TM2D3: variants seen among roughly 807,000 people sequenced by gnomAD.
The protein encoded by TM2D3 is TM2 domain containing 3.
A neutral mutation model predicts 27.3 loss-of-function variants in TM2D3; 33 were observed. That is an observed-to-expected ratio of 1.21 (90% CI 0.92 to 1.61). The LOEUF (loss-of-function observed/expected upper bound fraction) is 1.61, where lower values mean the gene tolerates loss of function less well. TM2D3 is among the 40% of genes most tolerant of loss of function. The probability of loss-of-function intolerance (pLI) is 0.00; values close to 1 mark genes in which losing one functional copy is unlikely to be tolerated. For missense variants in TM2D3, 364 were observed against 320.8 expected, an observed-to-expected ratio of 1.13 and a Z score of -1.03; for synonymous variants, 138 against 122.2, an observed-to-expected ratio of 1.13 and a Z score of -0.85.
Position 101,650,120 on chromosome 15 carries a change from T to C in TM2D3, c.211A>G (p.Asn71Asp). Residue 71 changes from asparagine (N) to aspartate (D), a missense_variant, in exon 3 of 6, where the codon AAT becomes GAT. Physicochemically the swap from Asn to Asp is conservative, Grantham distance 23. Transcript: ENST00000333202. Reference protein sequence around the residue: ...IPPYVMKCPSNGLCSRLPADC... With the variant: ...IPPYVMKCPSDGLCSRLPADC... ...GCAGGAAGCCTGCTACACAAACCAT[T>C]GCTCGGACACTTCATCACATAAGGT... The C allele has an allele frequency of 6.2e-7, 1 of 1,614,088 alleles. No homozygotes were observed. Among genetic ancestry groups the C allele is most frequent in the Non-Finnish European group, 8.5e-7 (1 of 1,179,982 alleles).
At chr15:101,636,223 C>T (rs930247112) in intron 4 of TM2D3, 4 of 152,054 alleles carry the variant, frequency 2.6e-5, no homozygotes, top group East Asian at 1.9e-4. Flanking sequence ...GTGCTGTAAA[C>T]GAGTTTTTTA....
In TM2D3 at chr15:101,651,303, C is replaced by T. The variant is rs935702869; in HGVS notation, c.169+393G>A. On this transcript the variant is annotated intron_variant, in intron 2 of 5. Coordinates refer to ENST00000333202, the MANE Select transcript of TM2D3 (RefSeq NM_078474.3). Reference sequence around the variant, plus strand: ...ATCTAGATTTCAAGTCTCCATCAGTCCCGCTGTAATCCTTCCATTTCCACA... The same window carrying T: ...ATCTAGATTTCAAGTCTCCATCAGTTCCGCTGTAATCCTTCCATTTCCACA... The T allele has an allele frequency of 5.2e-5, 9 of 171,866 alleles. 1 individual carries two copies. The South Asian group carries it at 9.7e-4, about 18-fold the overall frequency. 10.6% of individuals were successfully genotyped at this position (171,866 alleles called of 1,614,324 possible). A position where few individuals can be genotyped will look rare whatever the true frequency, so the allele number is the denominator to read the frequency against.
chr15:101,652,231 A>C, intron 1 of TM2D3, 40 bp downstream of exon 1: 1 of 1,557,272 alleles, frequency 6.4e-7, no homozygotes. Context: ...CCCTGCTGCC[A>C]CTCAGCCCCA....
intron 4 of TM2D3, chr15:101,645,404 G>T: frequency 1.9e-6 from 1 of 514,674 alleles, no homozygotes; most frequent in Non-Finnish European, 3.5e-6. Flanking sequence ...AAGACCTACG[G>T]GGAAGTTACG....
intron 5 of TM2D3, among the ~76,000 whole-genome samples, chr15:101,643,579 G>T (rs1896723016): frequency 7.5e-6 from 1 of 133,806 alleles, no homozygotes; most frequent in Admixed American, 8.2e-5. Flanking sequence ...TCCAGCCTGG[G>T]TGACAGAGAG....
downstream of TM2D3, chr15:101,637,077 C>G: frequency 4.9e-6 from 1 of 203,054 alleles, no homozygotes; most frequent in Non-Finnish European, 1.1e-5. Flanking sequence ...CCAGTCAATA[C>G]ATGTAAGATG....
chr15:101,638,964 C>T (rs1374413857), downstream of TM2D3, among the ~76,000 whole-genome samples: 2 of 152,178 alleles, frequency 1.3e-5, no homozygotes, highest in Non-Finnish European at 2.9e-5. Flanking sequence ...GCTGCATGGC[C>T]GGCAGGGCTC....
downstream of TM2D3, among the ~76,000 whole-genome samples, chr15:101,641,506 T>C (rs1460819563): frequency 6.6e-6 from 1 of 152,250 alleles, no homozygotes; most frequent in African/African-American, 2.4e-5. Context: ...AGATATGATA[T>C]GGTGGTTAAC....
rs1896929545 is a variant in TM2D3, at chr15:101,650,087, T to C, written c.244A>G (p.Ile82Val). Residue 82 changes from isoleucine (I) to valine (V), a missense_variant, in exon 3 of 6, where the codon ATA (isoleucine) becomes GTA (valine). Coordinates refer to ENST00000333202, the MANE Select transcript of TM2D3 (RefSeq NM_078474.3). ...GLCSRLPADC[I>V]DCTTNFSCTY... ...CAGGAGAAATTTGTTGTGCAGTCTA[T>C]ACAGTCTGCAGGAAGCCTGCTACAC... 3.1e-6 allele frequency: 5 copies of C among 1,614,164 alleles called. No homozygotes were observed. The highest frequency in any genetic ancestry group is 1.1e-5 in the South Asian group (1 of 91,076).
At chr15:101,633,307 A>C in exon 5 of TM2D3, 1 of 205,836 alleles carries the variant, frequency 4.9e-6, no homozygotes, top group South Asian at 1.9e-4. Flanking sequence ...TGGAAGCTTA[A>C]AACAACACGT....
downstream of TM2D3, among the ~76,000 whole-genome samples, chr15:101,637,156 G>A (rs78098932): frequency 0.011 from 1,643 of 152,286 alleles, 37 homozygotes; most frequent in East Asian, 0.1. Flanking sequence ...GTAGATTCAA[G>A]GATTTTCTAA....
intron 1 of TM2D3, 26 bp downstream of exon 1, chr15:101,652,245 G>A (rs750319555): frequency 3.8e-6 from 6 of 1,594,040 alleles, no homozygotes; most frequent in Middle Eastern, 1.7e-4. Context: ...AGCCCCACCC[G>A]GCGCTGAACC....
intron 5 of TM2D3, among the ~76,000 whole-genome samples, chr15:101,644,343 G>A (rs1435504378): frequency 1.3e-5 from 2 of 152,158 alleles, no homozygotes; most frequent in African/African-American, 2.4e-5. Flanking sequence ...GGGATGGGGG[G>A]TTTGCTACTG....
At chr15:101,641,695 T>G (rs1034320109), downstream of TM2D3, among the ~76,000 whole-genome samples, 6 of 152,176 alleles carry the variant, frequency 3.9e-5, no homozygotes, top group African/African-American at 1.4e-4. Context: ...TCAAAAACAT[T>G]TATATATTTC....
intron 3 of TM2D3, 144 bp from the exon 4 acceptor site, chr15:101,647,043 A>G: frequency 1.3e-6 from 1 of 763,310 alleles, no homozygotes; most frequent in Non-Finnish European, 2.1e-6. Flanking sequence ...AACAGTTACC[A>G]AAACAATATG....
At chr15:101,644,337 T>C (rs1278627049) in intron 5 of TM2D3, among the ~76,000 whole-genome samples, 1 of 152,110 alleles carries the variant, frequency 6.6e-6, no homozygotes, top group African/African-American at 2.4e-5. Context: ...CTGCAAGGGA[T>C]GGGGGGTTTG....
rs1463536689 is a variant in TM2D3 at position 101,642,498 on chromosome 15, T to A, written c.725A>T (p.Asp242Val). Residue 242 changes from aspartate (D) to valine (V), a missense_variant, in exon 6 of 6, where the codon GAT becomes GTT. Physicochemically the swap from Asp to Val is radical, Grantham distance 152. Coordinates refer to ENST00000333202, the MANE Select transcript of TM2D3 (RefSeq NM_078474.3). ...CCACAGCTAAATGTACAAAGAGCCA[T>A]CTGCTGGTCCAACATAGCCAACTCC... ...LIGVGYVGPA[D>V]GSLYI 4 of 1,612,688 alleles carry A rather than the reference T, an allele frequency of 2.5e-6. No individual in the cohort carries two copies. Among genetic ancestry groups the A allele is most frequent in the Non-Finnish European group, 3.4e-6 (4 of 1,179,272 alleles).
At chr15:101,649,876 T>G (rs1349746157) in intron 3 of TM2D3, 128 bp downstream of exon 3, 1 of 906,090 alleles carries the variant, frequency 1.1e-6, no homozygotes, top group East Asian at 2.7e-5. Context: ...GCTTACATAC[T>G]CAAAAGGGAA....
rs555254659 is a variant in TM2D3 at position 101,644,476 on chromosome 15, T to TG, written c.578+610dup. Among the ~76,000 whole-genome samples the TG allele has an allele frequency of 1.3e-3, 193 of 152,318 alleles. 1 individual carries two copies. The highest frequency in any genetic ancestry group is 2.4e-3 in the Non-Finnish European group (166 of 68,020). On this transcript the variant is annotated intron_variant, in intron 5 of 5. Coordinates refer to ENST00000333202, the MANE Select transcript of TM2D3 (RefSeq NM_078474.3). Reference sequence around the variant, plus strand: ...GATGAGGCTGAGAAATCCTGCCCTATGGCTGCAATGCTGCAGGCCTCAGGG... The same window carrying TG: ...GATGAGGCTGAGAAATCCTGCCCTATGGGCTGCAATGCTGCAGGCCTCAGGG...
Sources: allele counts gnomAD v4.1 joint callset (sites outside exome capture counted in the v4.1 genomes callset), GRCh38; gene constraint gnomAD v4.1.1; transcripts MANE v1.5; gene names NCBI Gene and HGNC (gene_info 2026-07-23, HGNC 2026-07-21).